Variants in DCC observed in about 807,000 individuals in gnomAD.
DCC encodes netrin receptor DCC.
In DCC, 58 loss-of-function variants were observed where a neutral mutation model predicts 172.5. The observed-to-expected ratio is 0.34, with a 90% CI of 0.27 to 0.42. The LOEUF is 0.42. Among genes scored for constraint, DCC ranks in the 10% least tolerant of loss-of-function variants. The pLI is 1.00. For synonymous variants in DCC, 709 were observed against 644.5 expected, an observed-to-expected ratio of 1.10 and a Z score of -1.52; for missense variants, 1,740 against 1,791.0, an observed-to-expected ratio of 0.97 and a Z score of 0.51.
At chr18:53,187,467 G>T (rs1453442768) in intron 9 of DCC, among the ~76,000 whole-genome samples, 1 of 151,998 alleles carries the variant, frequency 6.6e-6, no homozygotes, top group South Asian at 2.1e-4. Flanking sequence ...AAGTTTCATT[G>T]TGTAATTAAT....
At chr18:52,598,593 G>T (rs1568248358) in intron 1 of DCC, among the ~76,000 whole-genome samples, 2 of 152,164 alleles carry the variant, frequency 1.3e-5, no homozygotes, top group Non-Finnish European at 2.9e-5. Context: ...CCAGCTGCAG[G>T]CCTCTTGTGC....
At chr18:52,730,509 C>T (rs942528737) in intron 1 of DCC, among the ~76,000 whole-genome samples, 1 of 152,140 alleles carries the variant, frequency 6.6e-6, no homozygotes, top group South Asian at 2.1e-4. Flanking sequence ...AAAACTCTTT[C>T]AAAGTATGTG....
At chr18:53,199,559 A>G (rs1330311451) in intron 9 of DCC, among the ~76,000 whole-genome samples, 2 of 151,954 alleles carry the variant, frequency 1.3e-5, no homozygotes, top group Non-Finnish European at 2.9e-5. Context: ...ACCTATACAT[A>G]TCTTCATAAT....
intron 6 of DCC, among the ~76,000 whole-genome samples, chr18:53,064,871 C>G (rs1599088458): frequency 6.6e-6 from 1 of 152,116 alleles, no homozygotes; most frequent in South Asian, 2.1e-4. Context: ...ATGCTACTTA[C>G]ACTTAAAGGA....
intron 1 of DCC, among the ~76,000 whole-genome samples, chr18:52,551,492 T>A (rs1475672533): frequency 6.6e-6 from 1 of 151,950 alleles, no homozygotes; most frequent in Non-Finnish European, 1.5e-5. Flanking sequence ...GAACATAAAG[T>A]TGTGCTAACA....
At chr18:53,396,109 T>TA (rs11419804) in intron 17 of DCC, among the ~76,000 whole-genome samples, 36,288 of 147,738 alleles carry the variant, frequency 0.25, 4,723 homozygotes, top group East Asian at 0.41. Context: ...GTAGTAGAAT[T>TA]AAAAAAAAAA....
intron 2 of DCC, among the ~76,000 whole-genome samples, chr18:52,901,258 C>A (rs543459360): frequency 1.3e-5 from 2 of 151,954 alleles, no homozygotes; most frequent in Non-Finnish European, 2.9e-5. Context: ...CATGGTGAAA[C>A]CCTGTCTCTA....
chr18:52,643,405 G>A (rs539069057), intron 1 of DCC, among the ~76,000 whole-genome samples: 2 of 152,168 alleles, frequency 1.3e-5, no homozygotes, highest in African/African-American at 2.4e-5. Context: ...GAAGAAATTA[G>A]GGAATATTTG....
At chr18:52,610,179 A>T (rs1598954573) in intron 1 of DCC, among the ~76,000 whole-genome samples, 1 of 8,754 alleles carries the variant, frequency 1.1e-4, no homozygotes, top group Non-Finnish European at 1.8e-4. Context: ...AAAAAAAAAA[A>T]TATATATATA....
chr18:52,546,370 T>C (rs2032616921), intron 1 of DCC, among the ~76,000 whole-genome samples: 1 of 151,996 alleles, frequency 6.6e-6, no homozygotes, highest in Non-Finnish European at 1.5e-5. Context: ...CACGACAGTA[T>C]ACAGCAAAGA....
At position 52,888,924 on chromosome 18, in the gene DCC, C is replaced by T. The variant is rs994571281; in HGVS notation, c.413-17120C>T. Among the ~76,000 whole-genome samples, 5 of 151,968 alleles carry T rather than the reference C, an allele frequency of 3.3e-5. No individual in the cohort carries two copies. The East Asian group carries it at 5.8e-4, about 18-fold the overall frequency. On this transcript the variant is annotated intron_variant, in intron 2 of 28. Transcript: ENST00000442544. The stretch of plus-strand genomic sequence containing the variant: ...ACACAGATATCTATATATACACACA[C>T]ATATATATACATACAAGCACATGTA...
intron 2 of DCC, among the ~76,000 whole-genome samples, chr18:52,859,477 G>T (rs1161496761): frequency 1.3e-5 from 2 of 152,192 alleles, no homozygotes; most frequent in Non-Finnish European, 2.9e-5. Context: ...GCAAGAATGG[G>T]TGCTTGGATC....
chr18:52,510,494 C>G (rs1183289414), intron 1 of DCC, among the ~76,000 whole-genome samples: 1 of 151,740 alleles, frequency 6.6e-6, no homozygotes, highest in African/African-American at 2.4e-5. Context: ...CACTGGGTTG[C>G]CCCTTAGAGC....
rs71175505 is a variant in DCC at position 52,540,597 on chromosome 18, C to CTTTTTTT, written c.91+199740_91+199746dup. 2.4e-4 allele frequency among the ~76,000 whole-genome samples: 16 copies of CTTTTTTT among 67,486 alleles called. 6 individuals carry two copies. Among genetic ancestry groups the CTTTTTTT allele is most frequent in the East Asian group, 5.1e-4 (1 of 1,944 alleles). The allele number at this position is 67,486 out of a possible 152,430, so 44.3% of individuals were successfully genotyped here. On this transcript the variant is annotated intron_variant, in intron 1 of 28. Transcript: ENST00000442544. ...ACTACCGTTAGGTGTATTCAACTGCCTTTTTTTTTTTTTTTTTTTTTTTTT... is the reference window on the plus strand; with the variant it reads ...ACTACCGTTAGGTGTATTCAACTGCCTTTTTTTTTTTTTTTTTTTTTTTTTTTTTTTT...
chr18:53,203,483 T>A (rs1161866554), intron 9 of DCC, among the ~76,000 whole-genome samples: 1 of 152,082 alleles, frequency 6.6e-6, no homozygotes, highest in Non-Finnish European at 1.5e-5. Flanking sequence ...CCAGGACTGA[T>A]GGGAAATATG....
intron 2 of DCC, among the ~76,000 whole-genome samples, chr18:52,883,323 ATTT>A (rs200552057): frequency 0.43 from 49,075 of 113,420 alleles, 9,645 homozygotes; most frequent in Non-Finnish European, 0.5. Context: ...TTTTTATTTT[ATTT>A]TTTATTTATT....
chr18:52,452,903 G>A (rs1162386646), intron 1 of DCC, among the ~76,000 whole-genome samples: 4 of 152,226 alleles, frequency 2.6e-5, no homozygotes, highest in Non-Finnish European at 5.9e-5. Context: ...GATTGAGGCT[G>A]TCAATTTAAG....
intron 12 of DCC, among the ~76,000 whole-genome samples, chr18:53,283,766 A>G (rs573603888): frequency 1.3e-5 from 2 of 152,312 alleles, no homozygotes; most frequent in East Asian, 1.9e-4. Flanking sequence ...AAAACAAAGA[A>G]CATGTGTCAT....
At chr18:52,671,152 A>C (rs1051379193) in intron 1 of DCC, among the ~76,000 whole-genome samples, 5 of 152,174 alleles carry the variant, frequency 3.3e-5, no homozygotes, top group Non-Finnish European at 5.9e-5. Flanking sequence ...TGGGGTTTCA[A>C]CAAAATAGGT....
Sources: gnomAD v4.1 joint callset for allele counts (sites outside exome capture counted in the v4.1 genomes callset) on GRCh38, gnomAD v4.1.1 for gene constraint, MANE v1.5 for transcripts, NCBI Gene and HGNC (gene_info 2026-07-23, HGNC 2026-07-21) for gene names.